DRC8: variants seen among roughly 807,000 people sequenced by gnomAD.
The protein encoded by DRC8 is dynein regulatory complex subunit 8, also known as dynein regulatory complex protein 8.
chr1:245,011,361 T>C, the DRC8 span, among the ~76,000 whole-genome samples: 3 of 152,106 alleles, frequency 2.0e-5, no homozygotes, highest in South Asian at 6.2e-4. Flanking sequence ...TACTTACCAG[T>C]AAAAAATATG....
the DRC8 span, among the ~76,000 whole-genome samples, chr1:245,065,170 A>G: frequency 4.4e-5 from 6 of 135,194 alleles, 1 homozygote; most frequent in Middle Eastern, 5.4e-3. Context: ...CAAATGATCT[A>G]CCTGCCTTGG....
chr1:245,108,124 CCGT>C, the DRC8 span, among the ~76,000 whole-genome samples: 2 of 152,090 alleles, frequency 1.3e-5, no homozygotes, highest in Non-Finnish European at 2.9e-5. Context: ...ACGTCTCTCC[CCGT>C]CACCCACCCG....
the DRC8 span, among the ~76,000 whole-genome samples, chr1:245,071,304 G>A: frequency 2.6e-5 from 4 of 152,234 alleles, no homozygotes; most frequent in Admixed American, 2.0e-4. Flanking sequence ...AGGGCTCAGA[G>A]AAGAGATCTG....
the DRC8 span, among the ~76,000 whole-genome samples, chr1:245,099,499 CCAGGCCA>C: frequency 6.6e-6 from 1 of 152,238 alleles, no homozygotes; most frequent in East Asian, 1.9e-4. Context: ...TGCCCCGACA[CCAGGCCA>C]CAGGCCACAG....
At chr1:245,083,074 G>A in the DRC8 span, among the ~76,000 whole-genome samples, 2 of 152,280 alleles carry the variant, frequency 1.3e-5, no homozygotes, top group South Asian at 4.1e-4. Flanking sequence ...ACTGGTGCCA[G>A]TCCCTGGCCT....
chr1:245,054,394 T>C, the DRC8 span, among the ~76,000 whole-genome samples: 1 of 152,158 alleles, frequency 6.6e-6, no homozygotes, highest in Non-Finnish European at 1.5e-5. Flanking sequence ...CACTGCAATC[T>C]AATTTCTCCT....
At chr1:245,108,471 T>C in the DRC8 span, among the ~76,000 whole-genome samples, 2 of 152,214 alleles carry the variant, frequency 1.3e-5, no homozygotes, top group African/African-American at 4.8e-5. Flanking sequence ...TACTGAGGCC[T>C]CTTTCTATTT....
chr1:244,971,130 C>A, the DRC8 span: 1 of 152,582 alleles, frequency 6.6e-6, no homozygotes. Flanking sequence ...GCCGCTGCCT[C>A]CGAGCTTCCC....
the DRC8 span, among the ~76,000 whole-genome samples, chr1:245,076,464 A>G: frequency 6.6e-6 from 1 of 152,164 alleles, no homozygotes; most frequent in African/African-American, 2.4e-5. Context: ...TTTTTTATTT[A>G]CTTTTCATAC....
At chr1:245,100,697 C>T in the DRC8 span, among the ~76,000 whole-genome samples, 2 of 151,424 alleles carry the variant, frequency 1.3e-5, no homozygotes, top group East Asian at 3.9e-4. Flanking sequence ...AGGAGGATCA[C>T]CTGATCCTTG....
the DRC8 span, among the ~76,000 whole-genome samples, chr1:245,004,873 A>G: frequency 6.6e-6 from 1 of 152,198 alleles, no homozygotes; most frequent in Non-Finnish European, 1.5e-5. Context: ...GTATTTTTTA[A>G]TTGACACATA....
the DRC8 span, among the ~76,000 whole-genome samples, chr1:245,000,469 A>G: frequency 6.6e-6 from 1 of 152,194 alleles, no homozygotes; most frequent in African/African-American, 2.4e-5. Flanking sequence ...TTTGTTTGAT[A>G]CATGATTTTC....
the DRC8 span, among the ~76,000 whole-genome samples, chr1:245,011,427 T>G: frequency 1.3e-5 from 2 of 152,236 alleles, no homozygotes; most frequent in African/African-American, 4.8e-5. Flanking sequence ...AGCAGCACAG[T>G]GGCATCACCA....
the DRC8 span, among the ~76,000 whole-genome samples, chr1:244,992,389 G>T: frequency 6.6e-6 from 1 of 152,142 alleles, no homozygotes; most frequent in Admixed American, 6.5e-5. Context: ...AAAGGGAAAA[G>T]AAAATTAATT....
At chr1:245,049,467 G>A in the DRC8 span, among the ~76,000 whole-genome samples, 17 of 152,210 alleles carry the variant, frequency 1.1e-4, no homozygotes, top group African/African-American at 3.1e-4. The surrounding 1 kb of genome is among the most constrained non-coding windows in gnomAD (Gnocchi z 4.5). Flanking sequence ...GTGATAGACC[G>A]AAATTCTTAT....
At chr1:245,090,134 T>G in the DRC8 span, among the ~76,000 whole-genome samples, 1 of 152,088 alleles carries the variant, frequency 6.6e-6, no homozygotes, top group African/African-American at 2.4e-5. Context: ...GTGGAAGGAA[T>G]CAAAGGCCGA....
At chr1:245,088,315 GACACACACAC>G in the DRC8 span, among the ~76,000 whole-genome samples, 5 of 145,600 alleles carry the variant, frequency 3.4e-5, no homozygotes, top group African/African-American at 2.6e-5. This position sits in a 1 kb window ranked among gnomAD's most constrained non-coding sequence, Gnocchi z 4.6. Flanking sequence ...GTTATAACAA[GACACACACAC>G]ACACACACAC....
At chr1:244,970,838 C>T in the DRC8 span, 1 of 304,804 alleles carries the variant, frequency 3.3e-6, no homozygotes, top group Non-Finnish European at 6.1e-6. Context: ...GCCGGAGGCG[C>T]CGGCAGGGGG....
the DRC8 span, among the ~76,000 whole-genome samples, chr1:245,016,508 C>T: frequency 6.6e-6 from 1 of 152,190 alleles, no homozygotes; most frequent in Non-Finnish European, 1.5e-5. Context: ...CCTCGTGTCC[C>T]TACCCTGTTT....
Sources: gnomAD v4.1 joint callset for allele counts (sites outside exome capture counted in the v4.1 genomes callset) on GRCh38, gnomAD v4.1.1 for gene constraint, Gnocchi (gnomAD v3.1) non-coding constraint, MANE v1.5 for transcripts, NCBI Gene and HGNC (gene_info 2026-07-23, HGNC 2026-07-21) for gene names.